The following FAM227B variants were observed in gnomAD, a reference collection of about 807,000 sequenced individuals.
FAM227B encodes the protein family with sequence similarity 227 member B.
FAM227B carries 88 observed loss-of-function variants against 73.8 expected under a neutral mutation model. The ratio of observed to expected loss-of-function variants is 1.19; its 90% CI spans 1.00 to 1.42. The LOEUF (loss-of-function observed/expected upper bound fraction) is 1.42, where lower values mean the gene tolerates loss of function less well. Among genes scored for constraint, FAM227B ranks in the 40% most tolerant of loss-of-function variants. FAM227B has a pLI of 0.00. For missense variants in FAM227B, 632 were observed against 590.9 expected (o/e 1.07, Z -0.72); for synonymous variants, 210 against 190.5 (o/e 1.10, Z -0.84).
At chr15:49,612,949 A>G (rs1487102714) in intron 2 of FAM227B, among the ~76,000 whole-genome samples, 1 of 152,184 alleles carries the variant, frequency 6.6e-6, no homozygotes, top group African/African-American at 2.4e-5. Context: ...AGAGTCAAAA[A>G]ATTAAACAAT....
intron 3 of FAM227B, among the ~76,000 whole-genome samples, chr15:49,605,417 G>A (rs34737835): frequency 6.6e-6 from 1 of 152,158 alleles, no homozygotes; most frequent in African/African-American, 2.4e-5. Flanking sequence ...ATGTTGACCT[G>A]GCACAGCAGT....
At chr15:49,355,635 G>A (rs1449751103) in intron 13 of FAM227B, among the ~76,000 whole-genome samples, 1 of 152,090 alleles carries the variant, frequency 6.6e-6, no homozygotes, top group Admixed American at 6.5e-5. Flanking sequence ...GAAAGTGATG[G>A]GGAGAATGGA....
rs1207170125 is a variant in FAM227B, at chr15:49,328,592, G to A, written c.1503C>T (p.Tyr501=). ...CTTAGTATTCTTCTTCCTCAAAGTT[G>A]TAGTTGTCTGTTGATGATGGTGATG... The part of the protein sequence containing the change: ...SSSSPSSTDN[Y]NFEEEEY The change falls in exon 16 of 16, where the codon TAC becomes TAT. Residue 501 remains tyrosine (Y), a synonymous_variant. Transcript: ENST00000299338. 1 of 1,596,686 alleles carries A rather than the reference G, an allele frequency of 6.3e-7. No individual in the cohort carries two copies. The highest frequency in any genetic ancestry group is 8.6e-7 in the Non-Finnish European group (1 of 1,168,714).
In FAM227B at chr15:49,372,092, A is replaced by C. The variant is rs1203351553; in HGVS notation, c.1013-693T>G. On this transcript the variant is annotated intron_variant, in intron 11 of 15. Transcript: ENST00000299338. ...AATCAATGAAATAAAATTCATTTAT[A>C]AATAAATGAAATAAAATTCATTTAT... Among the ~76,000 whole-genome samples the C allele has an allele frequency of 4.3e-5, 4 of 93,154 alleles. 1 individual carries two copies. The highest frequency in any genetic ancestry group is 9.3e-5 in the Non-Finnish European group (4 of 43,180). The allele number at this position is 93,154 out of a possible 152,430, so 61.1% of individuals were successfully genotyped here.
chr15:49,568,900 G>GT lies in FAM227B; in HGVS notation c.646-555dup, dbSNP rs535601960. On this transcript the variant is annotated intron_variant, in intron 8 of 15. Transcript: ENST00000299338. ...CAGAGTAATACCTTCTAACTTACAG[G>GT]TTGAGTTAGAAAATGTTTCCTCTTC... 1.8e-3 allele frequency among the ~76,000 whole-genome samples: 275 copies of GT among 152,040 alleles called. 1 individual carries two copies. The highest frequency in any genetic ancestry group is 3.3e-3 in the Non-Finnish European group (221 of 67,854).
In FAM227B at chr15:49,335,626, C is replaced by G. The variant is rs954170305; in HGVS notation, c.1272-130G>C. ...AGTAATGAAGAGTCTCAAGTATAAA[C>G]ATGAATATTATGTCTGGAGTTACAC... On this transcript the variant is annotated intron_variant, in intron 13 of 15. Coordinates refer to ENST00000299338, the MANE Select transcript of FAM227B (RefSeq NM_152647.3). 6.9e-6 allele frequency: 4 copies of G among 582,732 alleles called. No individual in the cohort carries two copies. The Admixed American group carries it at 1.2e-4, about 17-fold the overall frequency. 36.1% of individuals were successfully genotyped at this position (582,732 alleles called of 1,614,324 possible).
chr15:49,392,217 C>G (rs1358889039), intron 11 of FAM227B, among the ~76,000 whole-genome samples: 1 of 152,062 alleles, frequency 6.6e-6, no homozygotes. Flanking sequence ...AGACTGTGAA[C>G]TGAACACCAT....
At chr15:49,547,895 T>C (rs2072179874) in intron 9 of FAM227B, among the ~76,000 whole-genome samples, 1 of 152,214 alleles carries the variant, frequency 6.6e-6, no homozygotes, top group Non-Finnish European at 1.5e-5. Context: ...AATACTCCAC[T>C]GACGACACCA....
intron 11 of FAM227B, among the ~76,000 whole-genome samples, chr15:49,396,775 C>A (rs977471523): frequency 6.8e-6 from 1 of 146,818 alleles, no homozygotes; most frequent in African/African-American, 2.4e-5. Context: ...AACAGACCTG[C>A]GGCTGAGGGT....
At chr15:49,353,463 T>A (rs563233870) in intron 13 of FAM227B, 1 of 152,238 alleles carries the variant, frequency 6.6e-6, no homozygotes, top group African/African-American at 2.4e-5. Flanking sequence ...GCCACAGGAT[T>A]TTTAGGCCTG....
chr15:49,359,870 A>G (rs1052805448), intron 13 of FAM227B, among the ~76,000 whole-genome samples: 7 of 145,534 alleles, frequency 4.8e-5, no homozygotes, highest in African/African-American at 1.5e-4. Flanking sequence ...CTGGATTAAG[A>G]AAATGTGGCA....
At chr15:49,491,451 T>C (rs1013325436) in intron 11 of FAM227B, among the ~76,000 whole-genome samples, 25 of 151,914 alleles carry the variant, frequency 1.6e-4, no homozygotes, top group African/African-American at 6.0e-4. Context: ...AATATACACC[T>C]AGTAGTTTCT....
chr15:49,596,638 T>C (rs748627143), intron 3 of FAM227B, among the ~76,000 whole-genome samples: 2 of 151,958 alleles, frequency 1.3e-5, no homozygotes, highest in Admixed American at 6.6e-5. Flanking sequence ...ATACATTGGA[T>C]GTAAATGGCC....
chr15:49,328,481 G>C lies in FAM227B; in HGVS notation c.*87C>G. 6.4e-7 allele frequency: 1 copy of C among 1,551,828 alleles called. No homozygotes were observed. ...CTCTTAATACTGATTACATGGATTG[G>C]ACTTGAATTAAATATATTGTTACAA... is the stretch of plus-strand genomic sequence containing the variant. On this transcript the variant is annotated 3_prime_UTR_variant, in exon 16 of 16. Transcript: ENST00000299338.
At chr15:49,442,449 C>T (rs891924638) in intron 11 of FAM227B, among the ~76,000 whole-genome samples, 2 of 151,654 alleles carry the variant, frequency 1.3e-5, no homozygotes, top group Admixed American at 6.6e-5. Flanking sequence ...TAAGGCATTA[C>T]TGTTATGATT....
chr15:49,566,033 C>A (rs1246378652), intron 9 of FAM227B, among the ~76,000 whole-genome samples: 1 of 152,160 alleles, frequency 6.6e-6, no homozygotes, highest in East Asian at 1.9e-4. Context: ...TCATTTGGGG[C>A]TCCTGGCCGC....
chr15:49,439,890 A>G (rs1292625782), intron 11 of FAM227B, among the ~76,000 whole-genome samples: 1 of 151,798 alleles, frequency 6.6e-6, no homozygotes, highest in East Asian at 1.9e-4. Context: ...ATGAGATCAT[A>G]GAGTCCAGAG....
intron 11 of FAM227B, among the ~76,000 whole-genome samples, chr15:49,495,451 A>C (rs553729847): frequency 6.6e-6 from 1 of 152,204 alleles, no homozygotes; most frequent in Non-Finnish European, 1.5e-5. Context: ...TTCTCTACAC[A>C]GTATAAAATA....
intron 11 of FAM227B, among the ~76,000 whole-genome samples, chr15:49,378,524 C>T (rs2046317585): frequency 6.6e-6 from 1 of 151,870 alleles, no homozygotes; most frequent in Non-Finnish European, 1.5e-5. Flanking sequence ...AGAGTTCCTT[C>T]ACTTCTTTGA....
Sources: gnomAD v4.1 joint callset for allele counts (sites outside exome capture counted in the v4.1 genomes callset) on GRCh38, gnomAD v4.1.1 for gene constraint, MANE v1.5 for transcripts, NCBI Gene and HGNC (gene_info 2026-07-23, HGNC 2026-07-21) for gene names.